GPHN: variants seen among roughly 807,000 people sequenced by gnomAD.
GPHN encodes the protein gephyrin.
Under a neutral mutation model 95.5 loss-of-function variants are expected in GPHN, and 17 were observed. The ratio of observed to expected loss-of-function variants is 0.18; its 90% confidence interval spans 0.12 to 0.27. GPHN has a LOEUF of 0.27. Among genes scored for constraint, GPHN ranks in the 10% least tolerant of loss-of-function variants. GPHN has a pLI of 1.00. For missense variants in GPHN, 660 were observed against 978.1 expected (o/e 0.67, Z 4.34); for synonymous variants, 320 against 322.5 (o/e 0.99, Z 0.08).
chr14:66,589,450 A>G (rs189360907), intron 1 of GPHN, among the ~76,000 whole-genome samples: 9 of 152,266 alleles, frequency 5.9e-5, no homozygotes, highest in Non-Finnish European at 7.4e-5. Context: ...TAAATTGGAT[A>G]AAGAGTCAGG....
intron 8 of GPHN, among the ~76,000 whole-genome samples, chr14:66,952,816 T>A (rs1246627197): frequency 2.6e-5 from 4 of 152,102 alleles, no homozygotes; most frequent in African/African-American, 9.7e-5. Context: ...TGCCTCAGCC[T>A]CTCAAGTAGC....
At chr14:66,511,084 A>G (rs2058025165) in intron 1 of GPHN, among the ~76,000 whole-genome samples, 1 of 152,136 alleles carries the variant, frequency 6.6e-6, no homozygotes, top group Admixed American at 6.5e-5. Flanking sequence ...TGATACAGAT[A>G]TTGTCTACTA....
the GPHN span, chr14:67,335,226 G>C: frequency 6.6e-6 from 1 of 152,214 alleles, no homozygotes; most frequent in South Asian, 2.1e-4. Context: ...TAGTGATGAG[G>C]ATGTGCTGAT....
At chr14:66,618,451 T>G (rs758472641) in intron 1 of GPHN, among the ~76,000 whole-genome samples, 24 of 152,208 alleles carry the variant, frequency 1.6e-4, no homozygotes, top group Non-Finnish European at 3.1e-4. Context: ...TTATATAGTT[T>G]TATCCATCAG....
At chr14:67,189,997 C>T in the GPHN span, among the ~76,000 whole-genome samples, 17 of 149,592 alleles carry the variant, frequency 1.1e-4, no homozygotes, top group Non-Finnish European at 1.9e-4. Flanking sequence ...TGTGCCATCA[C>T]GCCCAGCTAA....
At chr14:67,225,958 T>TGCGCGCGC in the GPHN span, among the ~76,000 whole-genome samples, 1 of 130,110 alleles carries the variant, frequency 7.7e-6, no homozygotes, top group African/African-American at 3.4e-5. Flanking sequence ...TGTGTGTGTG[T>TGCGCGCGC]GTGTGCGCGC....
chr14:67,270,757 T>C, the GPHN span: 1 of 152,186 alleles, frequency 6.6e-6, no homozygotes, highest in Non-Finnish European at 1.5e-5. Context: ...ATAATGTTTC[T>C]TTAATTCTGG....
chr14:67,362,006 T>TTTTTTTTTTTTCTTTTTTCTTTTTTC, the GPHN span, among the ~76,000 whole-genome samples: 1 of 144,146 alleles, frequency 6.9e-6, no homozygotes, highest in Non-Finnish European at 1.5e-5. Context: ...GGTAAGAGTC[T>TTTTTTTTTTTTCTTTTTTCTTTTTTC]TTTTTTTTTT....
At chr14:67,246,412 A>G in the GPHN span, among the ~76,000 whole-genome samples, 1 of 151,914 alleles carries the variant, frequency 6.6e-6, no homozygotes, top group Admixed American at 6.6e-5. Flanking sequence ...TGGTGTGAAT[A>G]TGGCTCACTG....
the GPHN span, chr14:67,473,155 C>G: frequency 2.0e-6 from 1 of 496,800 alleles, no homozygotes; most frequent in Non-Finnish European, 3.7e-6. The surrounding 1 kb of genome is among the most constrained non-coding windows in gnomAD (Gnocchi z 6.5). Flanking sequence ...CAGCCACAGG[C>G]CTCCTGGTAC....
At chr14:67,159,370 T>C (rs2081829206) in intron 18 of GPHN, 45 bp from the exon 19 acceptor site, 2 of 1,036,468 alleles carry the variant, frequency 1.9e-6, no homozygotes, top group Non-Finnish European at 3.1e-6. Context: ...GAAAGTCTAA[T>C]ATTAAAATGT....
chr14:66,901,162 C>A (rs2065110912), intron 5 of GPHN, among the ~76,000 whole-genome samples: 1 of 151,810 alleles, frequency 6.6e-6, no homozygotes, highest in Non-Finnish European at 1.5e-5. Context: ...CATTTGAATG[C>A]CTTCTTTGGG....
chr14:67,341,979 G>A, the GPHN span, among the ~76,000 whole-genome samples: 15 of 151,840 alleles, frequency 9.9e-5, no homozygotes, highest in South Asian at 3.1e-3. Flanking sequence ...ACAGATGCTT[G>A]AAGGCAGCAT....
chr14:67,539,787 C>A, the GPHN span, among the ~76,000 whole-genome samples: 1 of 152,214 alleles, frequency 6.6e-6, no homozygotes, highest in Admixed American at 6.5e-5. Flanking sequence ...AATTACTTAG[C>A]TTCTCTGTTC....
intron 8 of GPHN, 142 bp downstream of exon 8, chr14:66,924,434 G>A (rs548987193): frequency 1.4e-6 from 1 of 691,092 alleles, no homozygotes; most frequent in African/African-American, 1.8e-5. Context: ...AAGTGTGAGT[G>A]CCATTGAGTA....
chr14:66,880,625 G>A (rs2063883110), intron 5 of GPHN, among the ~76,000 whole-genome samples: 1 of 151,692 alleles, frequency 6.6e-6, no homozygotes, highest in African/African-American at 2.4e-5. Context: ...TAGCTATGTT[G>A]ATGTGTTGTT....
At chr14:67,477,166 C>CA in the GPHN span, among the ~76,000 whole-genome samples, 490 of 137,144 alleles carry the variant, frequency 3.6e-3, 3 homozygotes, top group East Asian at 0.01. Context: ...AACTCCATCT[C>CA]AAAAAAAAAA....
At chr14:66,908,860 AC>A (rs1423423088) in intron 5 of GPHN, among the ~76,000 whole-genome samples, 5 of 151,898 alleles carry the variant, frequency 3.3e-5, no homozygotes, top group African/African-American at 1.2e-4. Context: ...AAAAAAAAAA[AC>A]TGACCAGCAC....
At chr14:66,946,775 C>G (rs2067784274) in intron 8 of GPHN, among the ~76,000 whole-genome samples, 1 of 152,170 alleles carries the variant, frequency 6.6e-6, no homozygotes, top group Non-Finnish European at 1.5e-5. Context: ...AGATAAAAAA[C>G]TAGTCTGCTA....
Sources: allele counts gnomAD v4.1 joint callset (sites outside exome capture counted in the v4.1 genomes callset), GRCh38; gene constraint gnomAD v4.1.1; non-coding constraint Gnocchi (gnomAD v3.1); transcripts MANE v1.5; gene names NCBI Gene and HGNC (gene_info 2026-07-23, HGNC 2026-07-21).